SLC14A2: variants seen among roughly 807,000 people sequenced by gnomAD.
SLC14A2 encodes urea transporter 2.
In SLC14A2, 91 loss-of-function variants were observed where a neutral mutation model predicts 104.6. That is an observed-to-expected ratio of 0.87 (90% CI 0.73 to 1.04). The LOEUF is 1.04. Among genes scored for constraint, SLC14A2 ranks in the 50% least tolerant of loss-of-function variants. The probability of loss-of-function intolerance (pLI) is 0.00; values close to 1 mark genes in which losing one functional copy is unlikely to be tolerated. For missense variants in SLC14A2, 1,189 were observed against 1,156.0 expected, an observed-to-expected ratio of 1.03 and a Z score of -0.41; for synonymous variants, 476 against 466.4, an observed-to-expected ratio of 1.02 and a Z score of -0.27.
chr18:45,298,560 C>T (rs973095686), intron 1 of SLC14A2, among the ~76,000 whole-genome samples: 1 of 152,216 alleles, frequency 6.6e-6, no homozygotes, highest in Admixed American at 6.5e-5. Context: ...GCCCTAATCA[C>T]TTAATTTTCC....
rs1202688853 is a variant in SLC14A2 at position 45,667,891 on chromosome 18, GT to G, written c.1779del (p.Phe593LeufsTer2). ...WVLRGTSQVM[F>X]VNNPLSGILI... is the part of the protein sequence containing the mutation. Reference sequence around the variant, plus strand: ...TCCTCCGAGGCACATCTCAAGTGATGTTTGTGAACAACCCCCTCAGCGGCAT... The same window carrying G: ...TCCTCCGAGGCACATCTCAAGTGATGTTGTGAACAACCCCCTCAGCGGCAT... On this transcript the variant is annotated frameshift_variant, in exon 14 of 20. Transcript: ENST00000255226. LOFTEE classifies it high-confidence loss of function. 6.2e-7 allele frequency: 1 copy of G among 1,614,160 alleles called. No individual in the cohort carries two copies. The highest frequency in any genetic ancestry group is 2.2e-5 in the East Asian group (1 of 44,894).
chr18:45,599,418 T>C (rs2044757446), intron 2 of SLC14A2, among the ~76,000 whole-genome samples: 1 of 152,240 alleles, frequency 6.6e-6, no homozygotes, highest in African/African-American at 2.4e-5. Context: ...CTGACAGTCC[T>C]GGCCGCGACC....
In SLC14A2 at chr18:45,503,800, C is replaced by T. The variant is rs563241011; in HGVS notation, c.-35+20478C>T. ...TGCTGATCTGCTGTGGCTTAATCAG[C>T]CTGGTAGATTCAGAGTAATTATCCC... On this transcript the variant is annotated intron_variant, in intron 2 of 20. Coordinates refer to the SLC14A2 transcript ENST00000586448. Among the ~76,000 whole-genome samples the T allele has an allele frequency of 2.1e-4, 7 of 33,880 alleles. No homozygotes were observed. The South Asian group carries it at 6.8e-3, about 33-fold the overall frequency. The allele number at this position is 33,880 out of a possible 152,430, so 22.2% of individuals were successfully genotyped here. A position where few individuals can be genotyped will look rare whatever the true frequency, so the allele number is the denominator to read the frequency against.
At chr18:45,638,127 C>A (rs1381886468) in intron 6 of SLC14A2, among the ~76,000 whole-genome samples, 1 of 152,218 alleles carries the variant, frequency 6.6e-6, no homozygotes, top group African/African-American at 2.4e-5. Flanking sequence ...CAGCATCCCG[C>A]ATTCCTCAGA....
intron 2 of SLC14A2, among the ~76,000 whole-genome samples, chr18:45,590,860 C>T (rs2044637594): frequency 6.6e-6 from 1 of 152,218 alleles, no homozygotes; most frequent in African/African-American, 2.4e-5. Context: ...ATCACTTCAT[C>T]CTAACAACCC....
rs562534372 is a variant in SLC14A2 at position 45,518,175 on chromosome 18, C to T, written c.-35+34853C>T. Among the ~76,000 whole-genome samples the T allele has an allele frequency of 7.9e-5, 12 of 152,290 alleles. No individual in the cohort carries two copies. The South Asian group carries it at 1.9e-3, about 24-fold the overall frequency. On this transcript the variant is annotated intron_variant, in intron 2 of 20. Coordinates refer to the SLC14A2 transcript ENST00000586448. ...TAACAAAGCCTACATCACACAGTTC[C>T]GGGTTGCTCCAAGGCCTCTGAAACA...
At chr18:45,300,671 C>A (rs1035017122) in intron 1 of SLC14A2, among the ~76,000 whole-genome samples, 3 of 152,036 alleles carry the variant, frequency 2.0e-5, no homozygotes, top group African/African-American at 7.3e-5. Context: ...TCTTATAAAC[C>A]AGGCACTCTT....
intron 10 of SLC14A2, among the ~76,000 whole-genome samples, chr18:45,648,719 C>T (rs1190125940): frequency 1.4e-5 from 2 of 147,582 alleles, no homozygotes; most frequent in Non-Finnish European, 3.0e-5. Flanking sequence ...ATAAGTTAAC[C>T]TTTTCACATC....
At chr18:45,672,878 T>G (rs943706916) in intron 16 of SLC14A2, 22 bp from the exon 17 acceptor site, 5 of 1,608,030 alleles carry the variant, frequency 3.1e-6, no homozygotes, top group Non-Finnish European at 3.4e-6. Flanking sequence ...ATAATGAGCA[T>G]GTAATCCTGT....
chr18:45,227,351 A>G (rs2084129775), intron 1 of SLC14A2, among the ~76,000 whole-genome samples: 1 of 152,230 alleles, frequency 6.6e-6, no homozygotes, highest in African/African-American at 2.4e-5. Context: ...AGAGTATCTC[A>G]GTCCATTTGT....
At chr18:45,634,073 C>A (rs1036591572) in intron 5 of SLC14A2, among the ~76,000 whole-genome samples, 1 of 152,168 alleles carries the variant, frequency 6.6e-6, no homozygotes, top group Non-Finnish European at 1.5e-5. Context: ...CAGTGCCCCC[C>A]ATCCCACTTC....
chr18:45,250,037 G>T (rs1006980177), intron 1 of SLC14A2, among the ~76,000 whole-genome samples: 2 of 152,098 alleles, frequency 1.3e-5, no homozygotes, highest in African/African-American at 4.8e-5. Context: ...AGAAAAGATG[G>T]ACCCTCACTA....
At chr18:45,628,749 G>A (rs2045300912) in intron 4 of SLC14A2, among the ~76,000 whole-genome samples, 1 of 152,136 alleles carries the variant, frequency 6.6e-6, no homozygotes, top group Admixed American at 6.5e-5. Context: ...AGTATTATTT[G>A]GTGGAATTTT....
At chr18:45,665,350 G>C (rs1123604) in intron 11 of SLC14A2, among the ~76,000 whole-genome samples, 1 of 152,160 alleles carries the variant, frequency 6.6e-6, no homozygotes, top group East Asian at 1.9e-4. Flanking sequence ...ACATCTTTCA[G>C]GATGCATAAA....
intron 1 of SLC14A2, among the ~76,000 whole-genome samples, chr18:45,223,928 T>G (rs189046569): frequency 1.2e-4 from 18 of 152,230 alleles, no homozygotes; most frequent in African/African-American, 4.3e-4. Flanking sequence ...ATTGCTATTA[T>G]GTCAGCTTCT....
chr18:45,482,336 T>A (rs72912662), intron 1 of SLC14A2, among the ~76,000 whole-genome samples: 14,983 of 152,224 alleles, frequency 0.098, 917 homozygotes, highest in Non-Finnish European at 0.14. Context: ...TTTGTATCAG[T>A]TATCTATGGC....
chr18:45,432,645 G>A (rs1246037513), intron 1 of SLC14A2, among the ~76,000 whole-genome samples: 4 of 152,222 alleles, frequency 2.6e-5, no homozygotes, highest in Admixed American at 1.3e-4. Flanking sequence ...CCCTGATTTC[G>A]GCTTTGTGAG....
At chr18:45,609,103 C>A (rs573472693) in intron 2 of SLC14A2, among the ~76,000 whole-genome samples, 1 of 152,156 alleles carries the variant, frequency 6.6e-6, no homozygotes, top group Non-Finnish European at 1.5e-5. Flanking sequence ...GGCTGTTGCC[C>A]CCTTCAGAGT....
intron 2 of SLC14A2, among the ~76,000 whole-genome samples, chr18:45,544,118 C>A (rs2043931108): frequency 6.6e-6 from 1 of 152,204 alleles, no homozygotes; most frequent in African/African-American, 2.4e-5. Flanking sequence ...GTCCCCTTAG[C>A]TAATTTTGCT....
Sources: gnomAD v4.1 joint callset for allele counts (sites outside exome capture counted in the v4.1 genomes callset) on GRCh38, gnomAD v4.1.1 for gene constraint, MANE v1.5 for transcripts, NCBI Gene and HGNC (gene_info 2026-07-23, HGNC 2026-07-21) for gene names.